The following CSMD1 variants were observed in gnomAD, a reference collection of about 807,000 sequenced individuals.
The protein encoded by CSMD1 is CUB and sushi domain-containing protein 1.
CSMD1 carries 213 observed loss-of-function variants against 417.5 expected under a neutral mutation model. The observed-to-expected ratio is 0.51, with a 90% CI of 0.46 to 0.57. The LOEUF (loss-of-function observed/expected upper bound fraction) is 0.57. CSMD1 is among the 20% of genes least tolerant of loss of function. CSMD1 has a pLI of 0.00. For missense variants in CSMD1, 6,923 were observed against 4,529.7 expected (o/e 1.53, Z -15.17); for synonymous variants, 2,862 against 1,736.8 (o/e 1.65, Z -16.11).
chr8:3,702,797 C>G (rs1163176624), intron 7 of CSMD1, among the ~76,000 whole-genome samples: 2 of 152,188 alleles, frequency 1.3e-5, no homozygotes, highest in Non-Finnish European at 2.9e-5. Flanking sequence ...GCACCACACT[C>G]CAGCCTGGGT....
intron 3 of CSMD1, among the ~76,000 whole-genome samples, chr8:4,289,668 G>A (rs1224213838): frequency 6.6e-6 from 1 of 152,174 alleles, no homozygotes; most frequent in Non-Finnish European, 1.5e-5. Flanking sequence ...TGAGTAACAT[G>A]TGCTCAAGAC....
Position 4,795,252 on chromosome 8 carries a change from C to CTTTTTTTTTTTT in CSMD1, c.86-157706_86-157695dup, listed in dbSNP as rs571984359. ...ATTTCTAGGTCTGCTGGTGTCATAG[C>CTTTTTTTTTTTT]TTTTTTTTTTTTTTTTTTTTTTTTT... On this transcript the variant is annotated intron_variant, in intron 1 of 69. Coordinates refer to ENST00000635120, the MANE Select transcript of CSMD1 (RefSeq NM_033225.6). Among the ~76,000 whole-genome samples, 147 of 46,250 alleles carry CTTTTTTTTTTTT rather than the reference C, an allele frequency of 3.2e-3. 40 individuals are homozygous for CTTTTTTTTTTTT. Among genetic ancestry groups the CTTTTTTTTTTTT allele is most frequent in the Non-Finnish European group, 4.8e-3 (115 of 23,984 alleles). The allele number at this position is 46,250 out of a possible 152,430, so 30.3% of individuals were successfully genotyped here.
intron 22 of CSMD1, among the ~76,000 whole-genome samples, chr8:3,345,391 C>G (rs766340951): frequency 6.6e-6 from 1 of 152,160 alleles, no homozygotes; most frequent in Non-Finnish European, 1.5e-5. Context: ...GGTCCAACCA[C>G]CGAAACCCCA....
chr8:4,155,466 A>G (rs1390733826), intron 3 of CSMD1, among the ~76,000 whole-genome samples: 1 of 152,220 alleles, frequency 6.6e-6, no homozygotes, highest in Non-Finnish European at 1.5e-5. Context: ...TATGGTAAGT[A>G]TGTGTTTCCT....
intron 8 of CSMD1, among the ~76,000 whole-genome samples, chr8:3,591,150 G>C (rs57525114): frequency 6.6e-6 from 1 of 152,106 alleles, no homozygotes; most frequent in Non-Finnish European, 1.5e-5. Flanking sequence ...CTGGAGAACC[G>C]ATTTTGTGTA....
At chr8:4,025,221 T>C (rs963668519) in intron 4 of CSMD1, among the ~76,000 whole-genome samples, 4 of 152,182 alleles carry the variant, frequency 2.6e-5, no homozygotes, top group Non-Finnish European at 4.4e-5. Context: ...AGCTTTCTCA[T>C]GGAGGAGGAT....
chr8:4,492,603 G>C (rs770534558), intron 2 of CSMD1, among the ~76,000 whole-genome samples: 1 of 152,076 alleles, frequency 6.6e-6, no homozygotes. Flanking sequence ...TAAATATTTT[G>C]GTTTAATTAT....
intron 31 of CSMD1, among the ~76,000 whole-genome samples, chr8:3,204,240 A>T (rs1397917619): frequency 6.6e-6 from 1 of 152,188 alleles, no homozygotes; most frequent in Admixed American, 6.5e-5. Flanking sequence ...CTTTAGCTGA[A>T]AATTTTTAAT....
intron 5 of CSMD1, among the ~76,000 whole-genome samples, chr8:3,820,500 G>A (rs767567353): frequency 6.6e-6 from 1 of 152,204 alleles, no homozygotes; most frequent in Non-Finnish European, 1.5e-5. Context: ...AGGGTCAACA[G>A]CACACGTGAA....
chr8:3,406,866 G>A (rs572668252), intron 14 of CSMD1, among the ~76,000 whole-genome samples: 1 of 152,196 alleles, frequency 6.6e-6, no homozygotes, highest in African/African-American at 2.4e-5. Context: ...CAAAGAGAAT[G>A]AGCTGTCATT....
chr8:3,863,042 G>A (rs908970155), intron 5 of CSMD1, among the ~76,000 whole-genome samples: 4 of 152,062 alleles, frequency 2.6e-5, no homozygotes, highest in Non-Finnish European at 5.9e-5. Context: ...CCTCAAAGAC[G>A]GCACCTCCCT....
At chr8:4,343,338 C>T (rs557274830) in intron 3 of CSMD1, among the ~76,000 whole-genome samples, 73 of 152,004 alleles carry the variant, frequency 4.8e-4, no homozygotes, top group East Asian at 1.4e-3. Context: ...GAATACATTC[C>T]GGAGATCTAA....
chr8:3,291,313 T>C (rs1803541076), intron 25 of CSMD1, among the ~76,000 whole-genome samples: 1 of 151,922 alleles, frequency 6.6e-6, no homozygotes, highest in African/African-American at 2.4e-5. Context: ...CTGTCAGGCT[T>C]TGCTTTCAGG....
At chr8:3,979,161 A>C (rs1813663011) in intron 5 of CSMD1, among the ~76,000 whole-genome samples, 1 of 152,212 alleles carries the variant, frequency 6.6e-6, no homozygotes, top group Non-Finnish European at 1.5e-5. Context: ...ACATTTTACA[A>C]CACCTGTGAG....
At chr8:3,017,844 G>C (rs1462035051) in intron 52 of CSMD1, among the ~76,000 whole-genome samples, 1 of 95,662 alleles carries the variant, frequency 1.0e-5, no homozygotes, top group Non-Finnish European at 1.8e-5. Context: ...AAGGAAGAAC[G>C]CGTGGAGAAG....
At position 3,268,287 on chromosome 8, in the gene CSMD1, C is replaced by CTTTTTTTTTTTTTTTTTTTTTTTTTTTT. The variant is rs1172040830; in HGVS notation, c.4153+15856_4153+15857insAAAAAAAAAAAAAAAAAAAAAAAAAAAA. ...AGGGTGTGGTCAGATGGTTCATTTCCTATTTTTTTTTTTTTTTTTTTTTTT... is the reference window on the plus strand; with the variant it reads ...AGGGTGTGGTCAGATGGTTCATTTCCTTTTTTTTTTTTTTTTTTTTTTTTTTTTTATTTTTTTTTTTTTTTTTTTTTTT... On this transcript the variant is annotated intron_variant, in intron 26 of 69. Coordinates refer to ENST00000635120, the MANE Select transcript of CSMD1 (RefSeq NM_033225.6). Among the ~76,000 whole-genome samples, 4 of 114,652 alleles carry CTTTTTTTTTTTTTTTTTTTTTTTTTTTT rather than the reference C, an allele frequency of 3.5e-5. 1 individual carries two copies. The highest frequency in any genetic ancestry group is 2.1e-4 in the Admixed American group (2 of 9,590). The allele number at this position is 114,652 out of a possible 152,430, so 75.2% of individuals were successfully genotyped here.
At chr8:3,264,101 T>G (rs1252086130) in intron 26 of CSMD1, among the ~76,000 whole-genome samples, 5 of 152,174 alleles carry the variant, frequency 3.3e-5, no homozygotes. Flanking sequence ...TTCTAAACAT[T>G]TATTCACCTC....
intron 10 of CSMD1, among the ~76,000 whole-genome samples, chr8:3,508,608 G>C (rs747434555): frequency 1.6e-4 from 25 of 152,286 alleles, no homozygotes; most frequent in Non-Finnish European, 3.1e-4. Flanking sequence ...AGCGATGTGT[G>C]AGAAAATTTT....
At chr8:3,307,634 C>G (rs1161051401) in intron 25 of CSMD1, 61 bp downstream of exon 25, 1 of 1,526,438 alleles carries the variant, frequency 6.6e-7, no homozygotes, top group East Asian at 2.3e-5. Flanking sequence ...ACTATCTCTG[C>G]TACAAGAATA....
Sources: allele counts gnomAD v4.1 joint callset (sites outside exome capture counted in the v4.1 genomes callset), GRCh38; gene constraint gnomAD v4.1.1; transcripts MANE v1.5; gene names NCBI Gene and HGNC (gene_info 2026-07-23, HGNC 2026-07-21).